The following DHX30 variants were observed in gnomAD, a reference collection of about 807,000 sequenced individuals.
DHX30 encodes the protein ATP-dependent RNA helicase DHX30.
A neutral mutation model predicts 116.9 loss-of-function variants in DHX30; 4 were observed. The ratio of observed to expected loss-of-function variants is 0.03; its 90% CI spans 0.02 to 0.08. DHX30 has a LOEUF of 0.08. Among genes scored for constraint, DHX30 ranks in the 10% least tolerant of loss-of-function variants. The pLI is 1.00. For synonymous variants in DHX30, 697 were observed against 651.7 expected (o/e 1.07, Z -1.06); for missense variants, 871 against 1,595.1 (o/e 0.55, Z 7.73).
At chr3:47,831,170 A>G (rs1269656972) in intron 6 of DHX30, 3 of 151,836 alleles carry the variant, frequency 2.0e-5, no homozygotes, top group African/African-American at 7.3e-5. Flanking sequence ...AAACTGTACA[A>G]GAAGCCTGGT....
intron 2 of DHX30, among the ~76,000 whole-genome samples, chr3:47,807,993 G>A (rs891417309): frequency 2.6e-5 from 4 of 151,538 alleles, no homozygotes; most frequent in African/African-American, 7.3e-5. Flanking sequence ...TCACTGGAAC[G>A]TCCACCTCCT....
rs766246821 is a variant in DHX30 at position 47,841,226 on chromosome 3, A to G, written c.668+48A>G. On this transcript the variant is annotated intron_variant, in intron 7 of 21. Coordinates refer to ENST00000445061, the MANE Select transcript of DHX30 (RefSeq NM_138615.3). ...CAGCAGAGGCTGGCTGTGCCTTGACACGGGGATGGGCGAATGTTCTCTGCT... is the reference window on the plus strand; with the variant it reads ...CAGCAGAGGCTGGCTGTGCCTTGACGCGGGGATGGGCGAATGTTCTCTGCT... The G allele has an allele frequency of 1.9e-6, 3 of 1,598,984 alleles. No homozygotes were observed. The East Asian group carries it at 6.7e-5, about 36-fold the overall frequency.
At chr3:47,838,166 C>G (rs762426412) in intron 6 of DHX30, among the ~76,000 whole-genome samples, 5 of 152,168 alleles carry the variant, frequency 3.3e-5, no homozygotes, top group Non-Finnish European at 7.3e-5. Flanking sequence ...AGCCTTGGAT[C>G]GGGCCCTGCC....
At chr3:47,815,434 C>T (rs948117789) in intron 3 of DHX30, among the ~76,000 whole-genome samples, 1 of 152,114 alleles carries the variant, frequency 6.6e-6, no homozygotes, top group African/African-American at 2.4e-5. Context: ...AGAGATGCTT[C>T]TTGGTACTCT....
At chr3:47,843,009 C>G in intron 8 of DHX30, 97 bp from the exon 9 acceptor site, 1 of 1,460,132 alleles carries the variant, frequency 6.8e-7, no homozygotes, top group Non-Finnish European at 9.4e-7. Context: ...GAGATGGTGG[C>G]TCATTCTGTC....
chr3:47,810,175 G>C (rs1487088430), intron 2 of DHX30, among the ~76,000 whole-genome samples: 1 of 152,208 alleles, frequency 6.6e-6, no homozygotes, highest in African/African-American at 2.4e-5. Flanking sequence ...TGAAAGCCCA[G>C]TAAGGCAGTT....
intron 5 of DHX30, among the ~76,000 whole-genome samples, chr3:47,828,050 G>A (rs1373522102): frequency 1.3e-5 from 2 of 151,682 alleles, no homozygotes; most frequent in Non-Finnish European, 1.5e-5. Context: ...TGTAGAGACC[G>A]GTTCTTGCTA....
intron 9 of DHX30, among the ~76,000 whole-genome samples, chr3:47,844,259 G>A (rs1159752679): frequency 6.6e-6 from 1 of 152,214 alleles, no homozygotes. Flanking sequence ...GGAGAAAGAC[G>A]AGGAAGAGGG....
chr3:47,810,859 C>T (rs1206586602), intron 3 of DHX30, 148 bp downstream of exon 3: 3 of 808,306 alleles, frequency 3.7e-6, no homozygotes, highest in Admixed American at 2.2e-5. Flanking sequence ...CTTCCTTTTG[C>T]ATGGTGCTTA....
chr3:47,816,356 C>CTTT lies in DHX30; in HGVS notation c.29-1648_29-1646dup, dbSNP rs200180200. Reference sequence around the variant, plus strand: ...CTGCAAATGTACAAAGAGCCGTCTTCTTTTTTTTTTTTTTTTTTTTAAGAC... The same window carrying CTTT: ...CTGCAAATGTACAAAGAGCCGTCTTCTTTTTTTTTTTTTTTTTTTTTTTAAGAC... On this transcript the variant is annotated intron_variant, in intron 3 of 21. Coordinates refer to ENST00000445061, the MANE Select transcript of DHX30 (RefSeq NM_138615.3). 396 of 922,956 alleles carry CTTT rather than the reference C, an allele frequency of 4.3e-4. 2 individuals are homozygous for CTTT. The highest frequency in any genetic ancestry group is 3.2e-3 in the African/African-American group (154 of 47,510). 57.2% of individuals were successfully genotyped at this position (922,956 alleles called of 1,614,324 possible). A position where few individuals can be genotyped will look rare whatever the true frequency, so the allele number is the denominator to read the frequency against.
In DHX30 at chr3:47,849,992, C is replaced by T. The variant is rs1327555167; in HGVS notation, c.3457C>T (p.Leu1153=). 1 of 1,612,290 alleles carries T rather than the reference C, an allele frequency of 6.2e-7. No individual in the cohort carries two copies. Reference sequence around the variant, plus strand: ...CCTGGGCCGCATGGTGGAGCGGAGCCTGCGCAGCGAGCTGGCTGCACTTCC... The same window carrying T: ...CCTGGGCCGCATGGTGGAGCGGAGCTTGCGCAGCGAGCTGGCTGCACTTCC... ...RALGRMVERS[L]RSELAALPPS... Residue 1153 remains leucine, a synonymous_variant, in exon 22 of 22, where the codon CTG becomes TTG. Coordinates refer to ENST00000445061, the MANE Select transcript of DHX30 (RefSeq NM_138615.3).
rs1361060532 is a variant in DHX30, at chr3:47,848,451, G to A, written c.2494-18G>A. 6.2e-7 allele frequency: 1 copy of A among 1,613,982 alleles called. No homozygotes were observed. Among genetic ancestry groups the A allele is most frequent in the African/African-American group, 1.3e-5 (1 of 74,900 alleles). On this transcript the variant is annotated intron_variant, in intron 15 of 21. Transcript: ENST00000445061. The surrounding 1 kb of genome is among the most constrained non-coding windows in gnomAD (Gnocchi z 9.4). The stretch of plus-strand genomic sequence containing the variant: ...CAGGTGGGAGGCAGGCTCATGGCGG[G>A]CTCTGGCTCTGTCATAGGCGGTGGA...
intron 4 of DHX30, among the ~76,000 whole-genome samples, chr3:47,826,717 G>A (rs1218547379): frequency 1.3e-5 from 2 of 152,194 alleles, no homozygotes; most frequent in Non-Finnish European, 2.9e-5. Flanking sequence ...CTCCCAAAGT[G>A]CTGGGATTAC....
At chr3:47,806,161 T>TA (rs1273897284) in intron 2 of DHX30, among the ~76,000 whole-genome samples, 14 of 87,142 alleles carry the variant, frequency 1.6e-4, no homozygotes, top group Admixed American at 3.5e-4. Context: ...TTTTTTTTTT[T>TA]AGATGGGAGT....
At chr3:47,810,395 TG>T (rs998931534) in intron 2 of DHX30, among the ~76,000 whole-genome samples, 1 of 152,202 alleles carries the variant, frequency 6.6e-6, no homozygotes, top group African/African-American at 2.4e-5. Flanking sequence ...CATGATGAAA[TG>T]CATCTCCCTC....
chr3:47,835,328 G>T (rs1190024029), intron 6 of DHX30, among the ~76,000 whole-genome samples: 3 of 152,044 alleles, frequency 2.0e-5, no homozygotes, highest in African/African-American at 7.2e-5. Context: ...GTGCCACCAC[G>T]CCTGGAATTT....
chr3:47,808,981 C>T (rs1228603548), intron 2 of DHX30, among the ~76,000 whole-genome samples: 10 of 151,552 alleles, frequency 6.6e-5, no homozygotes, highest in East Asian at 1.9e-4. Flanking sequence ...CTCTGCTTCC[C>T]GGATTCAAGC....
chr3:47,805,646 C>G (rs2106921355), intron 2 of DHX30, among the ~76,000 whole-genome samples: 1 of 152,194 alleles, frequency 6.6e-6, no homozygotes, highest in Middle Eastern at 3.4e-3. Flanking sequence ...TCAAGCAATT[C>G]TCCTGTCTCA....
chr3:47,849,010 G>T lies in DHX30; in HGVS notation c.2860G>T (p.Asp954Tyr). The change falls in exon 18 of 22, where the codon GAC (aspartate) becomes TAC (tyrosine). Residue 954 changes from aspartate to tyrosine, a missense_variant. Asp to Tyr is a radical substitution (Grantham distance 160). Transcript: ENST00000445061. ...AGWEEVLRWQ[D>Y]RSSRENYLEE... ...CTGGGAGGAGGTGCTGCGTTGGCAG[G>T]ACCGCAGCTCCCGGGAGAATTACCT... The T allele has an allele frequency of 1.9e-6, 3 of 1,613,610 alleles. No homozygotes were observed. Among genetic ancestry groups the T allele is most frequent in the Non-Finnish European group, 2.5e-6 (3 of 1,179,848 alleles).
Sources: gnomAD v4.1 joint callset for allele counts (sites outside exome capture counted in the v4.1 genomes callset) on GRCh38, gnomAD v4.1.1 for gene constraint, Gnocchi (gnomAD v3.1) non-coding constraint, MANE v1.5 for transcripts, NCBI Gene and HGNC (gene_info 2026-07-23, HGNC 2026-07-21) for gene names.